The following LETM1 variants were observed in gnomAD, a reference collection of about 807,000 sequenced individuals.
LETM1 encodes mitochondrial proton/calcium exchanger protein.
A neutral mutation model predicts 74.5 loss-of-function variants in LETM1; 50 were observed. The observed-to-expected ratio is 0.67, with a 90% CI of 0.53 to 0.85. The LOEUF (loss-of-function observed/expected upper bound fraction) is 0.85. Among genes scored for constraint, LETM1 ranks in the 40% least tolerant of loss-of-function variants. LETM1 has a pLI of 0.00. For missense variants in LETM1, 824 were observed against 967.8 expected (o/e 0.85, Z 1.97); for synonymous variants, 446 against 407.1 (o/e 1.10, Z -1.15).
Position 1,823,640 on chromosome 4 carries a change from G to A in LETM1, c.1332+4C>T, listed in dbSNP as rs370119171. The A allele has an allele frequency of 9.3e-6, 15 of 1,613,450 alleles. No homozygotes were observed. Among genetic ancestry groups the A allele is most frequent in the South Asian group, 5.5e-5 (5 of 91,074 alleles). ...AGGTAAAAGGGGTCTCCGACAGCAC[G>A]TACCACAATCTCTGGGAGGGTCTGC... On this transcript the variant is annotated splice_donor_region_variant and intron_variant, in intron 8 of 13. Coordinates refer to ENST00000302787, the MANE Select transcript of LETM1 (RefSeq NM_012318.3).
At position 1,834,735 on chromosome 4, in the gene LETM1, G is replaced by A. The variant is rs949943860; in HGVS notation, c.876+110C>T. The A allele has an allele frequency of 1.6e-5, 25 of 1,528,896 alleles. No homozygotes were observed. Among genetic ancestry groups the A allele is most frequent in the Middle Eastern group, 2.4e-4 (1 of 4,084 alleles). 94.7% of individuals were successfully genotyped at this position (1,528,896 alleles called of 1,614,324 possible). A position where few individuals can be genotyped will look rare whatever the true frequency, so the allele number is the denominator to read the frequency against. On this transcript the variant is annotated intron_variant, in intron 5 of 13. Coordinates refer to ENST00000302787, the MANE Select transcript of LETM1 (RefSeq NM_012318.3). The surrounding 1 kb of genome is among the most constrained non-coding windows in gnomAD (Gnocchi z 5.0). ...GAGCCTCCTGGGTAAACTTTCAAGC[G>A]CCAGCCAGCACCTGGGGGAGCTCCA...
intron 6 of LETM1, among the ~76,000 whole-genome samples, chr4:1,829,581 A>G (rs1054296807): frequency 6.6e-6 from 1 of 152,250 alleles, no homozygotes; most frequent in Non-Finnish European, 1.5e-5. Context: ...TTGGGAGGCC[A>G]AGGTGGGAGA....
At position 1,834,545 on chromosome 4, in the gene LETM1, G is replaced by C; in HGVS notation, c.876+300C>G. The C allele has an allele frequency of 8.6e-7, 1 of 1,162,216 alleles. No homozygotes were observed. The highest frequency in any genetic ancestry group is 1.1e-6 in the Non-Finnish European group (1 of 938,406). 72.0% of individuals were successfully genotyped at this position (1,162,216 alleles called of 1,614,324 possible). A position where few individuals can be genotyped will look rare whatever the true frequency, so the allele number is the denominator to read the frequency against. On this transcript the variant is annotated intron_variant, in intron 5 of 13. Transcript: ENST00000302787. This position sits in a 1 kb window ranked among gnomAD's most constrained non-coding sequence, Gnocchi z 5.0. ...AAGCCACCCACACCTCACACCATCA[G>C]GGTCTCAGGCTCCTCATGGGTCAGA...
chr4:1,824,661 G>A (rs1377930347), intron 7 of LETM1, among the ~76,000 whole-genome samples: 2 of 152,200 alleles, frequency 1.3e-5, no homozygotes, highest in Admixed American at 1.3e-4. Context: ...TGACACTCGG[G>A]CCCCCAATGC....
intron 12 of LETM1, among the ~76,000 whole-genome samples, chr4:1,816,137 C>T (rs1711563208): frequency 6.6e-6 from 1 of 152,252 alleles, no homozygotes; most frequent in South Asian, 2.1e-4. Flanking sequence ...ATCATGGGGG[C>T]TGTGGTGCCC....
At chr4:1,817,000 C>T in intron 11 of LETM1, 86 bp from the exon 12 acceptor site, 1 of 1,141,492 alleles carries the variant, frequency 8.8e-7, no homozygotes, top group South Asian at 1.4e-5. Context: ...AATCCCAGTA[C>T]TTTGCAAGGC....
chr4:1,837,496 C>T (rs1173157987), intron 3 of LETM1, among the ~76,000 whole-genome samples: 1 of 152,118 alleles, frequency 6.6e-6, no homozygotes, highest in Non-Finnish European at 1.5e-5. Flanking sequence ...TTACGGCTGT[C>T]TTTATTCCCA....
rs1285826431 is a variant in LETM1, at chr4:1,836,173, G to A, written c.738+256C>T. Among the ~76,000 whole-genome samples, 1 of 152,000 alleles carries A rather than the reference G, an allele frequency of 6.6e-6. No homozygotes were observed. Among genetic ancestry groups the A allele is most frequent in the South Asian group, 2.1e-4 (1 of 4,822 alleles). On this transcript the variant is annotated intron_variant, in intron 4 of 13. Coordinates refer to ENST00000302787, the MANE Select transcript of LETM1 (RefSeq NM_012318.3). The surrounding 1 kb of genome is among the most constrained non-coding windows in gnomAD (Gnocchi z 5.8). ...AGGTTGTATGCAGTGAGACAAGATC[G>A]CACTGCTGCACTCCAGCCTGGGTGA...
intron 2 of LETM1, chr4:1,842,934 C>T (rs1712754282): frequency 1.1e-5 from 3 of 280,984 alleles, no homozygotes; most frequent in South Asian, 3.0e-5. Flanking sequence ...CGATCTCCTG[C>T]GTGTCTTGCC....
chr4:1,846,280 G>C (rs141241011), intron 2 of LETM1, among the ~76,000 whole-genome samples: 1,636 of 152,118 alleles, frequency 0.011, 25 homozygotes, highest in African/African-American at 0.037. Context: ...ATAAAGTACA[G>C]CTTTTATGTT....
chr4:1,828,218 G>A lies in LETM1; in HGVS notation c.1081-2535C>T, dbSNP rs868763849. ...TCCCGGACGGGGCGGCTGGCCGGGC[G>A]GGGGGGGCTGACCGCCCCCCACCTC... is the stretch of plus-strand genomic sequence containing the variant. On this transcript the variant is annotated intron_variant, in intron 6 of 13. Transcript: ENST00000302787. 3.4e-3 allele frequency among the ~76,000 whole-genome samples: 411 copies of A among 122,286 alleles called. 3 individuals are homozygous for A. The highest frequency in any genetic ancestry group is 5.0e-3 in the Non-Finnish European group (281 of 56,050). 80.2% of individuals were successfully genotyped at this position (122,286 alleles called of 152,430 possible).
rs1396100120 is a variant in LETM1 at position 1,819,486 on chromosome 4, G to A, written c.1609-14C>T. On this transcript the variant is annotated splice_polypyrimidine_tract_variant and intron_variant, in intron 10 of 13. Coordinates refer to ENST00000302787, the MANE Select transcript of LETM1 (RefSeq NM_012318.3). ...GATCTCTTCCTCCTGGGATAAAAATGGGCAAACAACAAAGCCTGAGCCAAG... is the reference window on the plus strand; with the variant it reads ...GATCTCTTCCTCCTGGGATAAAAATAGGCAAACAACAAAGCCTGAGCCAAG... 6.2e-7 allele frequency: 1 copy of A among 1,608,304 alleles called. No homozygotes were observed. The highest frequency in any genetic ancestry group is 8.5e-7 in the Non-Finnish European group (1 of 1,177,350).
chr4:1,838,163 G>A (rs1000393325), intron 3 of LETM1, among the ~76,000 whole-genome samples: 1 of 151,298 alleles, frequency 6.6e-6, no homozygotes, highest in African/African-American at 2.4e-5. Flanking sequence ...CAGTGGGCGC[G>A]ATCTCGGCTC....
Position 1,811,800 on chromosome 4 carries a change from G to A in LETM1, c.*2624C>T, listed in dbSNP as rs1332697524. On this transcript the variant is annotated 3_prime_UTR_variant, in exon 14 of 14. Coordinates refer to ENST00000302787, the MANE Select transcript of LETM1 (RefSeq NM_012318.3). ...ATTCCTGAATCCCTGCGTTAGAACTGAGAGTTCAGGCCGGGCGCGGTGGCT... is the reference window on the plus strand; with the variant it reads ...ATTCCTGAATCCCTGCGTTAGAACTAAGAGTTCAGGCCGGGCGCGGTGGCT... 6.6e-6 allele frequency: 1 copy of A among 152,364 alleles called. No homozygotes were observed. The highest frequency in any genetic ancestry group is 2.4e-5 in the African/African-American group (1 of 41,448). The allele number at this position is 152,364 out of a possible 1,614,324, so 9.4% of individuals were successfully genotyped here.
intron 3 of LETM1, among the ~76,000 whole-genome samples, chr4:1,841,082 G>C (rs928383690): frequency 6.6e-6 from 1 of 152,222 alleles, no homozygotes; most frequent in African/African-American, 2.4e-5. Flanking sequence ...CAGCACGGTG[G>C]CTCACACCTG....
At chr4:1,833,598 T>TCTAG (rs1712356528) in intron 5 of LETM1, 1 of 157,334 alleles carries the variant, frequency 6.4e-6, no homozygotes, top group African/African-American at 2.4e-5. Context: ...GGGGTGGCCA[T>TCTAG]CTAGCTCTTT....
intron 7 of LETM1, 103 bp downstream of exon 7, chr4:1,825,461 G>T: frequency 1.4e-6 from 2 of 1,441,394 alleles, no homozygotes; most frequent in African/African-American, 1.4e-5. Context: ...GTGTCGCCTC[G>T]CCAGGCCGGC....
intron 2 of LETM1, among the ~76,000 whole-genome samples, chr4:1,847,652 A>G (rs928442297): frequency 1.3e-5 from 2 of 151,916 alleles, no homozygotes; most frequent in African/African-American, 4.8e-5. Flanking sequence ...AAAATTTTGT[A>G]CTTTTGTACT....
intron 1 of LETM1, among the ~76,000 whole-genome samples, chr4:1,849,430 A>G (rs55850542): frequency 0.041 from 6,283 of 151,622 alleles, 172 homozygotes; most frequent in Middle Eastern, 0.078. Flanking sequence ...ATGCCCAGCT[A>G]ATTTTTTTTT....
Sources: gnomAD v4.1 joint callset for allele counts (sites outside exome capture counted in the v4.1 genomes callset) on GRCh38, gnomAD v4.1.1 for gene constraint, Gnocchi (gnomAD v3.1) non-coding constraint, MANE v1.5 for transcripts, NCBI Gene and HGNC (gene_info 2026-07-23, HGNC 2026-07-21) for gene names.